RSBN1L: variants seen among roughly 807,000 people sequenced by gnomAD.
RSBN1L encodes lysine-specific demethylase RSBN1L.
In RSBN1L, 30 loss-of-function variants were observed where a neutral mutation model predicts 67.7. That is an observed-to-expected ratio of 0.44 (90% CI 0.33 to 0.60). The LOEUF (loss-of-function observed/expected upper bound fraction) is 0.60. RSBN1L is among the 20% of genes least tolerant of loss of function. RSBN1L has a pLI of 0.02. For missense variants in RSBN1L, 992 were observed against 1,031.7 expected (o/e 0.96, Z 0.53); for synonymous variants, 433 against 387.0 (o/e 1.12, Z -1.39).
chr7:77,705,656 C>T (rs888242476), intron 1 of RSBN1L, among the ~76,000 whole-genome samples: 1 of 151,424 alleles, frequency 6.6e-6, no homozygotes, highest in African/African-American at 2.4e-5. Context: ...GGATTACGGG[C>T]GCATGCCACC....
At chr7:77,702,275 C>G (rs536938547) in intron 1 of RSBN1L, among the ~76,000 whole-genome samples, 1 of 152,236 alleles carries the variant, frequency 6.6e-6, no homozygotes, top group South Asian at 2.1e-4. Context: ...AAAGTTTAAG[C>G]CTTTAATAAG....
rs1791989230 is a variant in RSBN1L, at chr7:77,780,824, C to T, written c.*1656C>T. The T allele has an allele frequency of 6.6e-6, 1 of 152,198 alleles. No individual in the cohort carries two copies. Among genetic ancestry groups the T allele is most frequent in the Admixed American group, 6.5e-5 (1 of 15,278 alleles). 9.4% of individuals were successfully genotyped at this position (152,198 alleles called of 1,614,324 possible). ...AACTAAAGATGAGTAAAACAGACCT[C>T]TTTAATGATAGACTCACTATTTGAC... On this transcript the variant is annotated 3_prime_UTR_variant, in exon 8 of 8. Transcript: ENST00000334955.
At chr7:77,762,467 T>C (rs1042161318) in intron 3 of RSBN1L, among the ~76,000 whole-genome samples, 1 of 152,148 alleles carries the variant, frequency 6.6e-6, no homozygotes, top group Non-Finnish European at 1.5e-5. Context: ...TATTTTGAAA[T>C]AAAAAGCATT....
At chr7:77,778,258 A>G (rs551511025) in intron 6 of RSBN1L, 80 bp from the exon 7 acceptor site, 4 of 906,180 alleles carry the variant, frequency 4.4e-6, no homozygotes, top group Non-Finnish European at 6.9e-6. Flanking sequence ...ACCATAAAGT[A>G]TTTTTGCTTT....
chr7:77,739,737 GTCT>G (rs1791383819), intron 2 of RSBN1L, among the ~76,000 whole-genome samples: 1 of 61,192 alleles, frequency 1.6e-5, no homozygotes, highest in Non-Finnish European at 2.9e-5. Flanking sequence ...AAAAAAATGT[GTCT>G]TTTTTTTTTT....
intron 3 of RSBN1L, among the ~76,000 whole-genome samples, chr7:77,757,049 AT>A (rs1791629193): frequency 6.6e-6 from 1 of 152,088 alleles, no homozygotes; most frequent in Non-Finnish European, 1.5e-5. Flanking sequence ...TGTTTTTGTT[AT>A]TGTTCTTAAA....
chr7:77,697,389 G>C, intron 1 of RSBN1L: 2 of 251,770 alleles, frequency 7.9e-6, no homozygotes, highest in Non-Finnish European at 1.5e-5. Context: ...AACGGGATGG[G>C]GGAAGGGTTT....
In RSBN1L at chr7:77,749,876, G is replaced by T. The variant is rs771918913; in HGVS notation, c.1156G>T (p.Gly386Cys). 3.1e-6 allele frequency: 5 copies of T among 1,614,116 alleles called. No homozygotes were observed. The Admixed American group carries it at 8.3e-5, about 27-fold the overall frequency. The change falls in exon 3 of 8, where the codon GGT (glycine) becomes TGT (cysteine). Residue 386 changes from glycine to cysteine, a missense_variant. This residue lies in a region of RSBN1L where 575 missense variants were observed against 483.2 expected (regional missense o/e 1.19). Transcript: ENST00000334955. ...EMERFAEEFV[G>C]LVFSENENSA... ...GGAGAGGTTTGCAGAAGAGTTTGTG[G>T]GTCTAGTGTTCAGTGAAAATGAAAA...
chr7:77,759,378 C>A (rs1791668081), intron 3 of RSBN1L, among the ~76,000 whole-genome samples: 1 of 152,034 alleles, frequency 6.6e-6, no homozygotes, highest in African/African-American at 2.4e-5. Context: ...TACTTTCGTT[C>A]TTATTTTAGT....
chr7:77,763,916 T>C lies in RSBN1L; in HGVS notation c.1345-1579T>C, dbSNP rs1339056060. ...TTAGGAAAATTTAGGCTTAGAAATC[T>C]GGTGAATTTATTAAAGAATTAATGT... On this transcript the variant is annotated intron_variant, in intron 3 of 7. Transcript: ENST00000334955. Among the ~76,000 whole-genome samples the C allele has an allele frequency of 3.3e-5, 5 of 152,338 alleles. No homozygotes were observed. In the South Asian group the frequency reaches 1.0e-3, roughly 32 times the overall value.
chr7:77,755,713 G>GA (rs530173805), intron 3 of RSBN1L, among the ~76,000 whole-genome samples: 3 of 149,912 alleles, frequency 2.0e-5, no homozygotes, highest in East Asian at 1.9e-4. Context: ...TAAGCCCACT[G>GA]AAAAAAAAAA....
In RSBN1L at chr7:77,725,244, C is replaced by CTTTTTTT. The variant is rs779531960; in HGVS notation, c.587-11151_587-11145dup. On this transcript the variant is annotated intron_variant, in intron 1 of 7. Transcript: ENST00000334955. Reference sequence around the variant, plus strand: ...TTCTTCCCTAGGGATAAGCCCCCCACTTTTTTTTTTTTTTTTTTTTTGAGA... The same window carrying CTTTTTTT: ...TTCTTCCCTAGGGATAAGCCCCCCACTTTTTTTTTTTTTTTTTTTTTTTTTTTTGAGA... Among the ~76,000 whole-genome samples, 81 of 73,634 alleles carry CTTTTTTT rather than the reference C, an allele frequency of 1.1e-3. 8 individuals carry two copies. Among genetic ancestry groups the CTTTTTTT allele is most frequent in the African/African-American group, 4.5e-3 (67 of 14,944 alleles). The allele number at this position is 73,634 out of a possible 152,430, so 48.3% of individuals were successfully genotyped here.
chr7:77,707,273 C>A (rs181303912), intron 1 of RSBN1L, among the ~76,000 whole-genome samples: 1 of 152,278 alleles, frequency 6.6e-6, no homozygotes, highest in African/African-American at 2.4e-5. Context: ...ATCCATCTGC[C>A]TTGGCTTCCC....
At chr7:77,721,419 A>T in intron 1 of RSBN1L, among the ~76,000 whole-genome samples, 1 of 152,196 alleles carries the variant, frequency 6.6e-6, no homozygotes, top group East Asian at 1.9e-4. Flanking sequence ...ATAATTGCAA[A>T]GGAGCTTAGA....
intron 2 of RSBN1L, 45 bp from the exon 3 acceptor site, chr7:77,749,379 A>G (rs758923824): frequency 7.2e-7 from 1 of 1,385,778 alleles, no homozygotes; most frequent in Non-Finnish European, 9.6e-7. Flanking sequence ...CATGGTTTTT[A>G]AAGTAATTAA....
At chr7:77,715,570 A>G (rs1791038190) in intron 1 of RSBN1L, among the ~76,000 whole-genome samples, 1 of 152,130 alleles carries the variant, frequency 6.6e-6, no homozygotes. Context: ...TAGCCTCTCA[A>G]AGTGCTAGAA....
At chr7:77,758,891 C>G (rs1791659774) in intron 3 of RSBN1L, among the ~76,000 whole-genome samples, 1 of 152,056 alleles carries the variant, frequency 6.6e-6, no homozygotes, top group Non-Finnish European at 1.5e-5. Flanking sequence ...ACTCTGGAAC[C>G]CTGTACTAAG....
At chr7:77,770,190 A>C (rs1791828128) in intron 5 of RSBN1L, among the ~76,000 whole-genome samples, 1 of 152,136 alleles carries the variant, frequency 6.6e-6, no homozygotes, top group Non-Finnish European at 1.5e-5. Flanking sequence ...CCTGGCCAAC[A>C]TGAGGAAACC....
intron 2 of RSBN1L, 81 bp from the exon 3 acceptor site, chr7:77,749,343 T>C: frequency 9.3e-7 from 1 of 1,075,584 alleles, no homozygotes; most frequent in Non-Finnish European, 1.3e-6. Context: ...AGTAAACTTC[T>C]TACTTAGACA....
Sources: allele counts gnomAD v4.1 joint callset (sites outside exome capture counted in the v4.1 genomes callset), GRCh38; gene constraint gnomAD v4.1.1; regional missense constraint gnomAD v4.1.1; transcripts MANE v1.5; gene names NCBI Gene and HGNC (gene_info 2026-07-23, HGNC 2026-07-21).